Variants in RPL27 observed in about 807,000 individuals in gnomAD.
The protein encoded by RPL27 is ribosomal protein L27.
For synonymous variants in RPL27, 77 were observed against 61.0 expected (o/e 1.26, Z -1.22); for missense variants, 131 against 174.3 (o/e 0.75, Z 1.40).
chr17:43,002,801 G>C lies in RPL27; in HGVS notation c.362+18G>C. The C allele has an allele frequency of 6.2e-7, 1 of 1,602,452 alleles. No individual in the cohort carries two copies. The stretch of plus-strand genomic sequence containing the variant: ...GAAGAGAGGTAAGTAGGCTTTGGTA[G>C]TGAATGGTGGAGTATGGTTTCACTA... On this transcript the variant is annotated intron_variant, in intron 4 of 4. Transcript: ENST00000253788.
chr17:42,999,805 T>G, intron 2 of RPL27, 128 bp from the exon 3 acceptor site: 2 of 677,614 alleles, frequency 3.0e-6, no homozygotes, highest in Admixed American at 5.7e-5. Context: ...CTTTCTGTGA[T>G]TTTTCTCTTT....
intron 3 of RPL27, among the ~76,000 whole-genome samples, chr17:43,001,441 C>A (rs528655956): frequency 1.4e-5 from 2 of 142,432 alleles, no homozygotes; most frequent in East Asian, 4.2e-4. Flanking sequence ...ACCTGGCCAA[C>A]GTGATGAAAT....
At chr17:43,002,646 A>G in intron 3 of RPL27, 27 bp from the exon 4 acceptor site, 1 of 1,456,262 alleles carries the variant, frequency 6.9e-7, no homozygotes, top group Non-Finnish European at 9.6e-7. Context: ...ATGTGGGCTA[A>G]TCCTGCCTCT....
intron 1 of RPL27, 71 bp from the exon 2 acceptor site, chr17:42,998,678 G>A: frequency 1.6e-6 from 2 of 1,216,706 alleles, no homozygotes; most frequent in African/African-American, 3.0e-5. Context: ...TGGGCTTGCT[G>A]GCAGGAGTCA....
intron 2 of RPL27, chr17:42,999,437 T>G (rs1269790112): frequency 6.4e-6 from 1 of 155,656 alleles, no homozygotes; most frequent in Non-Finnish European, 1.4e-5. Flanking sequence ...AGCCCCTCAC[T>G]GTTTTCCTCT....
chr17:43,001,302 G>A (rs2050359039), intron 3 of RPL27, among the ~76,000 whole-genome samples: 1 of 151,656 alleles, frequency 6.6e-6, no homozygotes, highest in Admixed American at 6.6e-5. Context: ...TGCTGGTATT[G>A]CACATTTACT....
chr17:42,999,168 CTTTT>C, intron 2 of RPL27: 1 of 198,914 alleles, frequency 5.0e-6, no homozygotes, highest in Non-Finnish European at 1.0e-5. Flanking sequence ...CTTTTCTTTT[CTTTT>C]TTTTTTTTTT....
chr17:42,998,521 T>G, intron 1 of RPL27, 50 bp downstream of exon 1: 1 of 432,836 alleles, frequency 2.3e-6, no homozygotes. Context: ...ATCCGCGGCT[T>G]GGGGGTCGAA....
intron 3 of RPL27, among the ~76,000 whole-genome samples, chr17:43,000,728 G>C (rs559621076): frequency 5.3e-5 from 8 of 149,954 alleles, no homozygotes; most frequent in Admixed American, 2.0e-4. Flanking sequence ...ACAGGCGTGA[G>C]CCACCGTGCC....
At position 42,998,899 on chromosome 17, in the gene RPL27, G is replaced by A. The variant is rs147562276; in HGVS notation, c.81+68G>A. Reference sequence around the variant, plus strand: ...AGGCTGGCTGCGGCGGGGCGGGCAGGCTTGGAATTCAAGGCCTGTTTCTGG... The same window carrying A: ...AGGCTGGCTGCGGCGGGGCGGGCAGACTTGGAATTCAAGGCCTGTTTCTGG... On this transcript the variant is annotated intron_variant, in intron 2 of 4. Coordinates refer to ENST00000253788, the MANE Select transcript of RPL27 (RefSeq NM_000988.5). 9,103 of 1,347,322 alleles carry A rather than the reference G, an allele frequency of 6.8e-3. 48 individuals are homozygous for A. Among genetic ancestry groups the A allele is most frequent in the Middle Eastern group, 0.011 (62 of 5,530 alleles). 83.5% of individuals were successfully genotyped at this position (1,347,322 alleles called of 1,614,324 possible). A position where few individuals can be genotyped will look rare whatever the true frequency, so the allele number is the denominator to read the frequency against.
At chr17:43,002,234 G>A (rs555673344) in intron 3 of RPL27, among the ~76,000 whole-genome samples, 2 of 148,674 alleles carry the variant, frequency 1.3e-5, no homozygotes, top group Middle Eastern at 3.6e-3. Context: ...GGCCGGATGC[G>A]GTGACTCACG....
Position 43,000,075 on chromosome 17 carries a change from A to C in RPL27, c.224A>C (p.Tyr75Ser). Residue 75 changes from tyrosine to serine, a missense_variant, in exon 3 of 5, where the codon TAT (tyrosine) becomes TCT (serine). By Grantham distance (144) the Tyr-to-Ser change is moderately radical. Transcript: ENST00000253788. ...RSKIKSFVKV[Y>S]NYNHLMPTRY... ...AAGATAAAATCTTTTGTGAAAGTGTATAACTACAATCACCTAATGCCCACA... is the reference window on the plus strand; with the variant it reads ...AAGATAAAATCTTTTGTGAAAGTGTCTAACTACAATCACCTAATGCCCACA... The C allele has an allele frequency of 6.2e-7, 1 of 1,613,066 alleles. No homozygotes were observed. Among genetic ancestry groups the C allele is most frequent in the Middle Eastern group, 1.9e-4 (1 of 5,330 alleles).
chr17:43,002,790 A>AGGCTTT lies in RPL27; in HGVS notation c.362+10_362+15dup, dbSNP rs2050379889. 6 of 1,608,388 alleles carry AGGCTTT rather than the reference A, an allele frequency of 3.7e-6. No individual in the cohort carries two copies. Among genetic ancestry groups the AGGCTTT allele is most frequent in the South Asian group, 2.2e-5 (2 of 90,968 alleles). ...AGGTCAAGTTTGAAGAGAGGTAAGT[A>AGGCTTT]GGCTTTGGTAGTGAATGGTGGAGTA... On this transcript the variant is annotated splice_region_variant and intron_variant, in intron 4 of 4. Coordinates refer to ENST00000253788, the MANE Select transcript of RPL27 (RefSeq NM_000988.5).
At chr17:43,000,193 G>T (rs1254533302) in intron 3 of RPL27, 91 bp downstream of exon 3, 2 of 985,578 alleles carry the variant, frequency 2.0e-6, no homozygotes, top group African/African-American at 1.6e-5. Context: ...CACCAGGAAG[G>T]GATATCATTT....
intron 2 of RPL27, 104 bp from the exon 3 acceptor site, chr17:42,999,829 T>A: frequency 3.6e-6 from 3 of 832,408 alleles, no homozygotes; most frequent in South Asian, 3.3e-5. Context: ...ATGGTGGATC[T>A]TGGAGACCTG....
chr17:43,001,245 C>T (rs2050358617), intron 3 of RPL27, among the ~76,000 whole-genome samples: 1 of 152,040 alleles, frequency 6.6e-6, no homozygotes, highest in East Asian at 1.9e-4. Context: ...TGAGAAAGTC[C>T]TGAACAATAA....
Position 43,002,599 on chromosome 17 carries a change from C to T in RPL27, c.252-74C>T, listed in dbSNP as rs1248500225. On this transcript the variant is annotated intron_variant, in intron 3 of 4. Transcript: ENST00000253788. ...GAGTCAGACCCTGATTCCCTAGTGT[C>T]CCACAAGGATTTGGGCTGTATAGGG... 5 of 786,840 alleles carry T rather than the reference C, an allele frequency of 6.4e-6. No individual in the cohort carries two copies. The East Asian group carries it at 9.8e-5, about 15-fold the overall frequency. The allele number at this position is 786,840 out of a possible 1,614,324, so 48.7% of individuals were successfully genotyped here.
chr17:43,001,887 C>A, intron 3 of RPL27, among the ~76,000 whole-genome samples: 1 of 151,538 alleles, frequency 6.6e-6, no homozygotes, highest in East Asian at 1.9e-4. Flanking sequence ...ATCAGGAGAT[C>A]GAGACCATCC....
At chr17:43,000,982 G>C (rs902812460) in intron 3 of RPL27, among the ~76,000 whole-genome samples, 6 of 151,820 alleles carry the variant, frequency 4.0e-5, no homozygotes, top group East Asian at 2.0e-4. Context: ...CCGGGAGGTG[G>C]AGGTTGCAGT....
Sources: allele counts gnomAD v4.1 joint callset (sites outside exome capture counted in the v4.1 genomes callset), GRCh38; gene constraint gnomAD v4.1.1; transcripts MANE v1.5; gene names NCBI Gene and HGNC (gene_info 2026-07-23, HGNC 2026-07-21).